METTL2A: variants seen among roughly 807,000 people sequenced by gnomAD.
METTL2A encodes the protein tRNA N(3)-cytidine methyltransferase METTL2A.
A neutral mutation model predicts 49.4 loss-of-function variants in METTL2A; 45 were observed. That is an observed-to-expected ratio of 0.91 (90% confidence interval 0.72 to 1.17). METTL2A has a LOEUF of 1.17. Among genes scored for constraint, METTL2A ranks in the 50% most tolerant of loss-of-function variants. The pLI is 0.00. For missense variants in METTL2A, 361 were observed against 462.2 expected (o/e 0.78, Z 2.01); for synonymous variants, 118 against 167.5 (o/e 0.70, Z 2.28).
At position 62,448,411 on chromosome 17, in the gene METTL2A, A is replaced by C. The variant is rs557855059; in HGVS notation, c.983-164A>C. ...ATACGCAGTGGCTTCCCCTACCTAA[A>C]CATGAACTTACTGTTACCAAGCCAC... On this transcript the variant is annotated intron_variant, in intron 8 of 8. Coordinates refer to ENST00000311506, the MANE Select transcript of METTL2A (RefSeq NM_181725.4). Among the ~76,000 whole-genome samples the C allele has an allele frequency of 5.5e-3, 838 of 152,244 alleles. 6 individuals are homozygous for C. The highest frequency in any genetic ancestry group is 0.019 in the African/African-American group (771 of 41,542).
intron 2 of METTL2A, 39 bp downstream of exon 2, chr17:62,424,349 C>T (rs1441044256): frequency 5.6e-6 from 9 of 1,612,532 alleles, no homozygotes; most frequent in East Asian, 2.2e-5. Context: ...CAACAGCCAG[C>T]GTACTGCCGA....
At chr17:62,433,595 C>G (rs868643131) in intron 4 of METTL2A, among the ~76,000 whole-genome samples, 2 of 151,450 alleles carry the variant, frequency 1.3e-5, no homozygotes, top group Non-Finnish European at 2.9e-5. Context: ...CAAAAATTAA[C>G]AGGGCATGGT....
chr17:62,446,664 G>T (rs1351890528), intron 7 of METTL2A, among the ~76,000 whole-genome samples: 5 of 151,924 alleles, frequency 3.3e-5, no homozygotes, highest in East Asian at 1.9e-4. Context: ...CATTTTTTTT[G>T]AATATAGTCA....
intron 5 of METTL2A, among the ~76,000 whole-genome samples, chr17:62,437,307 A>G (rs926255858): frequency 1.3e-5 from 2 of 152,112 alleles, no homozygotes; most frequent in African/African-American, 2.4e-5. Context: ...GACAAACTCA[A>G]AGCAATAAAG....
chr17:62,447,837 G>A (rs2070779467), intron 8 of METTL2A, 71 bp downstream of exon 8: 2 of 1,600,840 alleles, frequency 1.2e-6, no homozygotes, highest in Non-Finnish European at 8.5e-7. Context: ...GGCACGTTCA[G>A]AAGGAAAACT....
In METTL2A at chr17:62,449,362, C is replaced by T. The variant is rs1335510979; in HGVS notation, c.*633C>T. 6.7e-6 allele frequency: 3 copies of T among 450,506 alleles called. No homozygotes were observed. Among genetic ancestry groups the T allele is most frequent in the Non-Finnish European group, 1.3e-5 (3 of 225,296 alleles). The allele number at this position is 450,506 out of a possible 1,614,324, so 27.9% of individuals were successfully genotyped here. A position where few individuals can be genotyped will look rare whatever the true frequency, so the allele number is the denominator to read the frequency against. ...TTCCTGACAAAAAAAAATGACCCTA[C>T]AGAGAGCATCAAAATGTGGTGTTCT... On this transcript the variant is annotated 3_prime_UTR_variant, in exon 9 of 9. Coordinates refer to ENST00000311506, the MANE Select transcript of METTL2A (RefSeq NM_181725.4).
At chr17:62,427,140 A>G (rs958433739) in intron 3 of METTL2A, among the ~76,000 whole-genome samples, 4 of 152,090 alleles carry the variant, frequency 2.6e-5, no homozygotes, top group African/African-American at 9.7e-5. Context: ...AAAAATGTCT[A>G]GATTGGTATA....
At chr17:62,428,858 A>G (rs548847530) in intron 4 of METTL2A, among the ~76,000 whole-genome samples, 134 of 152,170 alleles carry the variant, frequency 8.8e-4, no homozygotes, top group Non-Finnish European at 1.7e-3. Flanking sequence ...CCCATAGCAC[A>G]CTGCAGGCTC....
At chr17:62,444,601 G>T (rs932592704) in intron 6 of METTL2A, among the ~76,000 whole-genome samples, 1 of 152,118 alleles carries the variant, frequency 6.6e-6, no homozygotes, top group East Asian at 1.9e-4. Context: ...ACTTTCTTAC[G>T]GCAGAAGCGG....
intron 5 of METTL2A, among the ~76,000 whole-genome samples, chr17:62,439,801 G>T (rs562190778): frequency 6.6e-6 from 1 of 151,866 alleles, no homozygotes; most frequent in Non-Finnish European, 1.5e-5. Context: ...TTTCATGATC[G>T]TTTTCCAATT....
intron 8 of METTL2A, 120 bp from the exon 9 acceptor site, chr17:62,448,455 A>G (rs1347093550): frequency 2.0e-6 from 3 of 1,500,236 alleles, no homozygotes; most frequent in East Asian, 4.6e-5. Context: ...TTATAACCAA[A>G]TGGCCATGTA....
Position 62,448,715 on chromosome 17 carries a change from T to C in METTL2A, c.1123T>C (p.Ser375Pro), listed in dbSNP as rs773863795. 1.9e-6 allele frequency: 3 copies of C among 1,614,000 alleles called. No individual in the cohort carries two copies. In the Admixed American group the frequency reaches 5.0e-5, roughly 27 times the overall value. ...IQCKYCKPLL[S>P]STS is the part of the protein sequence containing the mutation. ...GTGCAAATACTGCAAGCCCCTTCTG[T>C]CCAGCACCAGCTGAGAGGCACCTGC... Residue 375 changes from serine (S) to proline (P), a missense_variant, in exon 9 of 9, where the codon TCC becomes CCC. By Grantham distance (74) the Ser-to-Pro change is moderately conservative (BLOSUM62 -1). This residue lies in a region of METTL2A where 183 missense variants were observed against 216.5 expected (regional missense o/e 0.85). Coordinates refer to ENST00000311506, the MANE Select transcript of METTL2A (RefSeq NM_181725.4).
chr17:62,445,680 C>T (rs2070763687), intron 7 of METTL2A, among the ~76,000 whole-genome samples: 1 of 151,958 alleles, frequency 6.6e-6, no homozygotes, highest in Admixed American at 6.6e-5. Flanking sequence ...GCCTGTAATC[C>T]CAGCTACTCG....
At chr17:62,425,832 G>C (rs1598028959) in intron 2 of METTL2A, among the ~76,000 whole-genome samples, 2 of 150,676 alleles carry the variant, frequency 1.3e-5, no homozygotes, top group African/African-American at 2.4e-5. Context: ...AACCCCGTCT[G>C]TACTAAAAAA....
intron 5 of METTL2A, among the ~76,000 whole-genome samples, chr17:62,439,138 C>T (rs1037435916): frequency 6.6e-6 from 1 of 151,612 alleles, no homozygotes; most frequent in African/African-American, 2.4e-5. Flanking sequence ...GCCACTGCAC[C>T]CAGCTAATTT....
intron 8 of METTL2A, 73 bp downstream of exon 8, chr17:62,447,839 A>G: frequency 6.2e-7 from 1 of 1,600,364 alleles, no homozygotes; most frequent in Non-Finnish European, 8.5e-7. Flanking sequence ...CACGTTCAGA[A>G]GGAAAACTAT....
rs1239397011 is a variant in METTL2A, at chr17:62,452,292, GT to G, written c.*3564del. Among the ~76,000 whole-genome samples the G allele has an allele frequency of 6.6e-6, 1 of 152,092 alleles. No homozygotes were observed. Among genetic ancestry groups the G allele is most frequent in the Non-Finnish European group, 1.5e-5 (1 of 68,026 alleles). On this transcript the variant is annotated 3_prime_UTR_variant, in exon 9 of 9. Transcript: ENST00000311506. Reference sequence around the variant, plus strand: ...AATGCTGTGTTCCTCCCATAGGATCGTATCAGGCGACACATGATTATGAATT... The same window carrying G: ...AATGCTGTGTTCCTCCCATAGGATCGATCAGGCGACACATGATTATGAATT...
intron 4 of METTL2A, among the ~76,000 whole-genome samples, chr17:62,434,437 A>G (rs1451716397): frequency 2.0e-5 from 3 of 152,156 alleles, no homozygotes; most frequent in Non-Finnish European, 4.4e-5. Flanking sequence ...CTCACTCATA[A>G]TGAGCCCAAC....
At chr17:62,440,589 C>T (rs377622010) in intron 5 of METTL2A, 28 bp from the exon 6 acceptor site, 444 of 1,591,980 alleles carry the variant, frequency 2.8e-4, no homozygotes, top group Non-Finnish European at 3.5e-4. Context: ...TATTTTCTAA[C>T]TTACCTGTGT....
Sources: allele counts gnomAD v4.1 joint callset (sites outside exome capture counted in the v4.1 genomes callset), GRCh38; gene constraint gnomAD v4.1.1; regional missense constraint gnomAD v4.1.1; transcripts MANE v1.5; gene names NCBI Gene and HGNC (gene_info 2026-07-23, HGNC 2026-07-21).